The following NOVA1 variants were observed in gnomAD, a reference collection of about 807,000 sequenced individuals.
NOVA1 encodes the protein NOVA alternative splicing regulator 1, also known as RNA-binding protein Nova-1.
A neutral mutation model predicts 38.0 loss-of-function variants in NOVA1; 7 were observed. That is an observed-to-expected ratio of 0.18 (90% CI 0.10 to 0.35). The LOEUF (loss-of-function observed/expected upper bound fraction) is 0.35, where lower values mean the gene tolerates loss of function less well. Among genes scored for constraint, NOVA1 ranks in the 10% least tolerant of loss-of-function variants. The pLI is 1.00. For missense variants in NOVA1, 460 were observed against 616.0 expected, an observed-to-expected ratio of 0.75 and a Z score of 2.68; for synonymous variants, 270 against 232.5, an observed-to-expected ratio of 1.16 and a Z score of -1.47.
rs182846549 is a variant in NOVA1 at position 26,446,198 on chromosome 14, A to G, written c.*1761T>C. ...AGTCTACTCTTACAGTTTGACAGAA[A>G]TGAATTATTAATAGTGGAAGGGGAA... is the stretch of plus-strand genomic sequence containing the variant. On this transcript the variant is annotated 3_prime_UTR_variant, in exon 5 of 5. Transcript: ENST00000539517. 2.5e-3 allele frequency: 376 copies of G among 152,764 alleles called. 1 individual carries two copies. The highest frequency in any genetic ancestry group is 4.3e-3 in the South Asian group (21 of 4,830). The allele number at this position is 152,764 out of a possible 1,614,324, so 9.5% of individuals were successfully genotyped here.
intron 2 of NOVA1, among the ~76,000 whole-genome samples, chr14:26,507,612 T>A (rs1453942961): frequency 6.6e-6 from 1 of 152,148 alleles, no homozygotes; most frequent in Non-Finnish European, 1.5e-5. Context: ...ATAGCCTTAG[T>A]TTACTTCATA....
At chr14:26,485,245 G>A (rs1227535193) in intron 2 of NOVA1, among the ~76,000 whole-genome samples, 2 of 151,742 alleles carry the variant, frequency 1.3e-5, no homozygotes, top group African/African-American at 4.8e-5. Context: ...TTTCTTGTCT[G>A]TATTTTGAAA....
At chr14:26,527,987 G>T (rs1889423395) in intron 2 of NOVA1, among the ~76,000 whole-genome samples, 1 of 152,138 alleles carries the variant, frequency 6.6e-6, no homozygotes, top group Admixed American at 6.5e-5. Flanking sequence ...GCTCCCAGAG[G>T]CATACACACT....
At chr14:26,499,245 T>G (rs1016940344) in intron 2 of NOVA1, among the ~76,000 whole-genome samples, 62 of 152,294 alleles carry the variant, frequency 4.1e-4, no homozygotes, top group African/African-American at 1.4e-3. Context: ...TAGTAACCAT[T>G]TCACTGTTTA....
At chr14:26,562,772 AT>A (rs1891905653) in intron 2 of NOVA1, among the ~76,000 whole-genome samples, 1 of 152,172 alleles carries the variant, frequency 6.6e-6, no homozygotes. Context: ...ATTTTGGCAC[AT>A]AGGTTTACTA....
intron 2 of NOVA1, among the ~76,000 whole-genome samples, chr14:26,498,436 A>G (rs1039760457): frequency 1.3e-5 from 2 of 152,096 alleles, no homozygotes; most frequent in African/African-American, 4.8e-5. Context: ...TCCTTATATC[A>G]TTTATCTACT....
chr14:26,499,145 C>T (rs1887065545), intron 2 of NOVA1, among the ~76,000 whole-genome samples: 1 of 152,110 alleles, frequency 6.6e-6, no homozygotes, highest in Non-Finnish European at 1.5e-5. Context: ...GTTTTCAGGA[C>T]TTTTGCTAAA....
intron 2 of NOVA1, among the ~76,000 whole-genome samples, chr14:26,578,372 G>A (rs1243914092): frequency 1.3e-5 from 2 of 151,846 alleles, no homozygotes; most frequent in African/African-American, 4.8e-5. Context: ...TTTTTAAGTG[G>A]GAGAAAGAAC....
chr14:26,550,372 C>T (rs1214876035), intron 2 of NOVA1, among the ~76,000 whole-genome samples: 1 of 152,090 alleles, frequency 6.6e-6, no homozygotes, highest in Non-Finnish European at 1.5e-5. Context: ...GAAATTAGTC[C>T]TCAACAACTA....
chr14:26,576,802 A>C (rs968357460), intron 2 of NOVA1, among the ~76,000 whole-genome samples: 9 of 151,954 alleles, frequency 5.9e-5, no homozygotes, highest in Admixed American at 5.9e-4. Context: ...ACGCATATAC[A>C]TAGTGAAATG....
At chr14:26,453,676 C>T (rs888395260) in intron 4 of NOVA1, among the ~76,000 whole-genome samples, 1 of 152,064 alleles carries the variant, frequency 6.6e-6, no homozygotes, top group African/African-American at 2.4e-5. Flanking sequence ...AACTCCAACT[C>T]ATGATGGTTT....
intron 2 of NOVA1, among the ~76,000 whole-genome samples, chr14:26,525,407 G>A (rs527432026): frequency 6.6e-6 from 1 of 152,178 alleles, no homozygotes; most frequent in South Asian, 2.1e-4. Context: ...ATGTTCTATT[G>A]CAGTATTTAC....
intron 2 of NOVA1, among the ~76,000 whole-genome samples, chr14:26,485,100 G>A (rs1885780234): frequency 1.3e-5 from 2 of 152,110 alleles, no homozygotes; most frequent in Admixed American, 6.5e-5. Context: ...AGGCTCAGCA[G>A]AGACAAAAAC....
intron 4 of NOVA1, among the ~76,000 whole-genome samples, chr14:26,456,121 A>C (rs1262002366): frequency 6.6e-6 from 1 of 152,048 alleles, no homozygotes; most frequent in East Asian, 1.9e-4. Context: ...TTAGCAAAAA[A>C]TGTATTCAAC....
chr14:26,569,159 C>T (rs989807311), intron 2 of NOVA1, among the ~76,000 whole-genome samples: 1 of 152,084 alleles, frequency 6.6e-6, no homozygotes, highest in African/African-American at 2.4e-5. Context: ...GCAGAAACAA[C>T]ACAGAGCAGA....
intron 4 of NOVA1, among the ~76,000 whole-genome samples, chr14:26,454,713 C>G (rs1198029025): frequency 6.6e-6 from 1 of 152,080 alleles, no homozygotes; most frequent in Non-Finnish European, 1.5e-5. Context: ...ATTTGCCTAT[C>G]AAAATACTGA....
At chr14:26,474,127 A>G (rs1884796351) in intron 3 of NOVA1, among the ~76,000 whole-genome samples, 1 of 151,998 alleles carries the variant, frequency 6.6e-6, no homozygotes, top group Non-Finnish European at 1.5e-5. Context: ...ACATGTAAAA[A>G]TCTATTCAGT....
chr14:26,559,289 G>A (rs1050536971), intron 2 of NOVA1, among the ~76,000 whole-genome samples: 9 of 152,016 alleles, frequency 5.9e-5, no homozygotes, highest in African/African-American at 1.7e-4. Context: ...GTTAAAGTCC[G>A]TTTGGGAATC....
chr14:26,453,089 G>T (rs1882840187), intron 4 of NOVA1, among the ~76,000 whole-genome samples: 1 of 151,958 alleles, frequency 6.6e-6, no homozygotes, highest in South Asian at 2.1e-4. Flanking sequence ...CCATAAATTT[G>T]GTCACTATTG....
Sources: gnomAD v4.1 joint callset for allele counts (sites outside exome capture counted in the v4.1 genomes callset) on GRCh38, gnomAD v4.1.1 for gene constraint, MANE v1.5 for transcripts, NCBI Gene and HGNC (gene_info 2026-07-23, HGNC 2026-07-21) for gene names.